The following CNKSR3 variants were observed in gnomAD, a reference collection of about 807,000 sequenced individuals.
CNKSR3 encodes the protein connector enhancer of kinase suppressor of ras 3.
CNKSR3 carries 36 observed loss-of-function variants against 67.7 expected under a neutral mutation model. That is an observed-to-expected ratio of 0.53 (90% CI 0.41 to 0.70). CNKSR3 has a LOEUF of 0.70. Among genes scored for constraint, CNKSR3 ranks in the 30% least tolerant of loss-of-function variants. The pLI, the probability that CNKSR3 is intolerant of heterozygous loss-of-function variation, is 0.00. For missense variants in CNKSR3, 630 were observed against 695.2 expected (o/e 0.91, Z 1.05); for synonymous variants, 281 against 271.4 (o/e 1.04, Z -0.35).
intron 1 of CNKSR3, among the ~76,000 whole-genome samples, chr6:154,503,479 T>C (rs1254238948): frequency 1.3e-5 from 2 of 151,872 alleles, no homozygotes; most frequent in Non-Finnish European, 2.9e-5. Flanking sequence ...TTTTTTTTAA[T>C]TAGCCAGGTG....
At chr6:154,460,931 A>G (rs1444838966) in intron 1 of CNKSR3, among the ~76,000 whole-genome samples, 1 of 152,166 alleles carries the variant, frequency 6.6e-6, no homozygotes, top group Non-Finnish European at 1.5e-5. Flanking sequence ...TATGGAGGTG[A>G]GCACATCCAT....
At chr6:154,451,614 A>C (rs1206523481) in intron 1 of CNKSR3, among the ~76,000 whole-genome samples, 1 of 152,240 alleles carries the variant, frequency 6.6e-6, no homozygotes, top group African/African-American at 2.4e-5. Context: ...CTGAGCTAGA[A>C]AAGGCCCAGC....
At chr6:154,441,966 A>G in intron 3 of CNKSR3, 122 bp downstream of exon 3, 1 of 934,488 alleles carries the variant, frequency 1.1e-6, no homozygotes, top group Non-Finnish European at 1.6e-6. Flanking sequence ...GGACTCCTTA[A>G]GAGCCGGTAA....
chr6:154,422,810 GA>G (rs1417747080), intron 8 of CNKSR3, 104 bp downstream of exon 8: 10 of 1,190,572 alleles, frequency 8.4e-6, no homozygotes, highest in Non-Finnish European at 1.2e-5. Context: ...CTAAAATAAT[GA>G]AAAATAGGAT....
At chr6:154,415,227 CAT>C (rs377711180) in intron 9 of CNKSR3, among the ~76,000 whole-genome samples, 1 of 112,768 alleles carries the variant, frequency 8.9e-6, no homozygotes, top group African/African-American at 3.7e-5. Context: ...ACTAGCTGCC[CAT>C]TTTTTTTTTT....
intron 9 of CNKSR3, among the ~76,000 whole-genome samples, chr6:154,421,325 T>C (rs1785139068): frequency 6.6e-6 from 1 of 152,228 alleles, no homozygotes; most frequent in East Asian, 1.9e-4. Flanking sequence ...CTCAGTTATT[T>C]ATTTTTAACC....
At position 154,399,896 on chromosome 6, in the gene CNKSR3, G is replaced by A. The variant is rs1008384771; in HGVS notation, c.*6458C>T. The A allele has an allele frequency of 6.6e-6, 1 of 152,030 alleles. No homozygotes were observed. The highest frequency in any genetic ancestry group is 1.5e-5 in the Non-Finnish European group (1 of 68,022). The allele number at this position is 152,030 out of a possible 1,614,324, so 9.4% of individuals were successfully genotyped here. Reference sequence around the variant, plus strand: ...ATAAAGTTAAATCCTCCCCTTTAATGGGTCTAGTCAGTGGAAGAACATTTC... The same window carrying A: ...ATAAAGTTAAATCCTCCCCTTTAATAGGTCTAGTCAGTGGAAGAACATTTC... On this transcript the variant is annotated 3_prime_UTR_variant, in exon 13 of 13. Coordinates refer to ENST00000607772, the MANE Select transcript of CNKSR3 (RefSeq NM_173515.4).
At position 154,399,006 on chromosome 6, in the gene CNKSR3, TAGGCGGA is replaced by T. The variant is rs1357453980; in HGVS notation, c.*7341_*7347del. 6.6e-6 allele frequency: 1 copy of T among 151,086 alleles called. No homozygotes were observed. Among genetic ancestry groups the T allele is most frequent in the Non-Finnish European group, 1.5e-5 (1 of 67,932 alleles). The allele number at this position is 151,086 out of a possible 1,614,324, so 9.4% of individuals were successfully genotyped here. A position where few individuals can be genotyped will look rare whatever the true frequency, so the allele number is the denominator to read the frequency against. On this transcript the variant is annotated 3_prime_UTR_variant, in exon 13 of 13. Coordinates refer to ENST00000607772, the MANE Select transcript of CNKSR3 (RefSeq NM_173515.4). Reference sequence around the variant, plus strand: ...AGGCAGGAGAATCACTTGAACCCAGTAGGCGGAAGTTGCGGTGAGCCAAGATCGTACC... The same window carrying T: ...AGGCAGGAGAATCACTTGAACCCAGTAGTTGCGGTGAGCCAAGATCGTACC...
chr6:154,400,437 A>G lies in CNKSR3; in HGVS notation c.*5917T>C, dbSNP rs943971348. 1.3e-5 allele frequency: 2 copies of G among 152,226 alleles called. No homozygotes were observed. The highest frequency in any genetic ancestry group is 6.5e-5 in the Admixed American group (1 of 15,292). The allele number at this position is 152,226 out of a possible 1,614,324, so 9.4% of individuals were successfully genotyped here. The stretch of plus-strand genomic sequence containing the variant: ...GATGGCCAAGTCACAACCAGAATTG[A>G]GTCCTTAATCACTGACCCCATGTGT... On this transcript the variant is annotated 3_prime_UTR_variant, in exon 13 of 13. Transcript: ENST00000607772.
At chr6:154,446,862 T>G (rs1195921526) in intron 2 of CNKSR3, among the ~76,000 whole-genome samples, 3 of 148,750 alleles carry the variant, frequency 2.0e-5, no homozygotes, top group African/African-American at 7.5e-5. Context: ...TGGAGCGCAG[T>G]GGCATGATCT....
chr6:154,504,627 G>C (rs1305521793), intron 1 of CNKSR3, among the ~76,000 whole-genome samples: 2 of 152,146 alleles, frequency 1.3e-5, no homozygotes, highest in South Asian at 2.1e-4. Context: ...ACTAATTAGG[G>C]GACCCTGAGC....
Position 154,389,661 on chromosome 6 carries a change from C to T in CNKSR3, c.*16693G>A, listed in dbSNP as rs1022900321. 1 of 128,036 alleles carries T rather than the reference C, an allele frequency of 7.8e-6. No homozygotes were observed. The highest frequency in any genetic ancestry group is 3.4e-5 in the African/African-American group (1 of 29,598). 7.9% of individuals were successfully genotyped at this position (128,036 alleles called of 1,614,324 possible). On this transcript the variant is annotated 3_prime_UTR_variant, in exon 13 of 13. Coordinates refer to ENST00000607772, the MANE Select transcript of CNKSR3 (RefSeq NM_173515.4). ...TCATATATAGAACGCCCTAAGACTC[C>T]ATTTTTTAAACATGTTAGAATAAAG...
intron 4 of CNKSR3, among the ~76,000 whole-genome samples, chr6:154,435,369 T>C (rs1298912173): frequency 6.6e-6 from 1 of 152,118 alleles, no homozygotes; most frequent in Non-Finnish European, 1.5e-5. Flanking sequence ...CAACTCTCAA[T>C]ACACCAGAGC....
At chr6:154,433,693 ACCTTCCGAAGGT>A (rs1161909554) in intron 4 of CNKSR3, 186 bp from the exon 5 acceptor site, 9 of 561,992 alleles carry the variant, frequency 1.6e-5, no homozygotes, top group Non-Finnish European at 2.9e-5. Flanking sequence ...TGACGTTTGC[ACCTTCCGAAGGT>A]CCTGCTCTCC....
Position 154,388,000 on chromosome 6 carries a change from A to C in CNKSR3, c.*18354T>G, listed in dbSNP as rs898351460. On this transcript the variant is annotated 3_prime_UTR_variant, in exon 13 of 13. Coordinates refer to ENST00000607772, the MANE Select transcript of CNKSR3 (RefSeq NM_173515.4). ...TAAAATCCAATTGCTTTTCTGTTCT[A>C]TTTTCTTTCTTTTTTTTTTTCAGTA... 7.3e-6 allele frequency: 1 copy of C among 136,494 alleles called. No individual in the cohort carries two copies. Among genetic ancestry groups the C allele is most frequent in the African/African-American group, 2.7e-5 (1 of 36,418 alleles). 8.5% of individuals were successfully genotyped at this position (136,494 alleles called of 1,614,324 possible).
At chr6:154,421,506 C>T (rs1049718712) in intron 9 of CNKSR3, among the ~76,000 whole-genome samples, 2 of 152,204 alleles carry the variant, frequency 1.3e-5, no homozygotes, top group Non-Finnish European at 2.9e-5. Flanking sequence ...TATTGCTTTT[C>T]ATTCTTGCTT....
At chr6:154,444,605 CTTT>C (rs775511533) in intron 2 of CNKSR3, among the ~76,000 whole-genome samples, 4 of 135,826 alleles carry the variant, frequency 2.9e-5, no homozygotes. Flanking sequence ...AGTGGAGAAA[CTTT>C]TTTTTTTTTT....
chr6:154,416,304 T>C lies in CNKSR3; in HGVS notation c.946-1881A>G, dbSNP rs528568370. 6.6e-5 allele frequency among the ~76,000 whole-genome samples: 10 copies of C among 152,224 alleles called. No homozygotes were observed. In the South Asian group the frequency reaches 2.1e-3, roughly 32 times the overall value. On this transcript the variant is annotated intron_variant, in intron 9 of 12. Transcript: ENST00000607772. ...GAGGACAGCTCATTTTCAGGAGAGA[T>C]ACCAAGTCACAGGGGCAGGGACTGA... is the stretch of plus-strand genomic sequence containing the variant.
chr6:154,493,935 C>T (rs1786829783), intron 1 of CNKSR3, among the ~76,000 whole-genome samples: 1 of 152,150 alleles, frequency 6.6e-6, no homozygotes, highest in Admixed American at 6.5e-5. Context: ...AGTGGGGACA[C>T]AGAGCCAAAC....
Sources: allele counts gnomAD v4.1 joint callset (sites outside exome capture counted in the v4.1 genomes callset), GRCh38; gene constraint gnomAD v4.1.1; transcripts MANE v1.5; gene names NCBI Gene and HGNC (gene_info 2026-07-23, HGNC 2026-07-21).